Variants in PRKCE observed in about 807,000 individuals in gnomAD.
PRKCE encodes the protein protein kinase C epsilon.
In PRKCE, 16 loss-of-function variants were observed where a neutral mutation model predicts 85.4. The ratio of observed to expected loss-of-function variants is 0.19; its 90% confidence interval spans 0.13 to 0.28. PRKCE has a LOEUF of 0.28. PRKCE is among the 10% of genes least tolerant of loss of function. The probability of loss-of-function intolerance (pLI) is 1.00; values close to 1 mark genes in which losing one functional copy is unlikely to be tolerated. For synonymous variants in PRKCE, 388 were observed against 371.5 expected, an observed-to-expected ratio of 1.04 and a Z score of -0.51; for missense variants, 573 against 975.2, an observed-to-expected ratio of 0.59 and a Z score of 5.49.
At chr2:45,940,649 C>G (rs1033311624) in intron 2 of PRKCE, among the ~76,000 whole-genome samples, 13 of 152,206 alleles carry the variant, frequency 8.5e-5, no homozygotes, top group South Asian at 8.3e-4. Flanking sequence ...CACTCTTGCG[C>G]TCACAAGTGT....
intron 1 of PRKCE, among the ~76,000 whole-genome samples, chr2:45,785,206 A>G (rs1236352402): frequency 3.3e-5 from 5 of 152,238 alleles, no homozygotes; most frequent in Admixed American, 3.3e-4. Context: ...TAAGAAAAAA[A>G]GAGGCCAGGC....
intron 14 of PRKCE, among the ~76,000 whole-genome samples, chr2:46,170,279 T>C (rs1038103064): frequency 1.3e-5 from 2 of 152,222 alleles, no homozygotes; most frequent in Non-Finnish European, 2.9e-5. Context: ...TTCTTATAAA[T>C]GGAGCCACAT....
chr2:46,029,536 T>G (rs764890713), intron 10 of PRKCE, among the ~76,000 whole-genome samples: 2 of 152,084 alleles, frequency 1.3e-5, no homozygotes, highest in Admixed American at 6.6e-5. Flanking sequence ...CTTTGTGAAA[T>G]GAAAAGGCCT....
intron 1 of PRKCE, among the ~76,000 whole-genome samples, chr2:45,820,882 C>T (rs1383113901): frequency 6.6e-6 from 1 of 152,102 alleles, no homozygotes; most frequent in African/African-American, 2.4e-5. Flanking sequence ...CCTTCTGTCT[C>T]CCCACCCCCT....
At chr2:45,763,728 G>A (rs1040734916) in intron 1 of PRKCE, among the ~76,000 whole-genome samples, 1 of 152,122 alleles carries the variant, frequency 6.6e-6, no homozygotes, top group Non-Finnish European at 1.5e-5. Context: ...AGTCAGGAAG[G>A]GCCCAAGGGA....
rs375477829 is a variant in PRKCE, at chr2:45,885,002, T to TTTTTTTTGTTG, written c.412+41941_412+41942insTTTTTGTTGTT. On this transcript the variant is annotated intron_variant, in intron 2 of 14. Coordinates refer to ENST00000306156, the MANE Select transcript of PRKCE (RefSeq NM_005400.3). ...ATATATATATATATATATATATATA[T>TTTTTTTTGTTG]TTGTTGTTGTTGTTGTTGTTTTACC... is the stretch of plus-strand genomic sequence containing the variant. Among the ~76,000 whole-genome samples, 208 of 97,654 alleles carry TTTTTTTTGTTG rather than the reference T, an allele frequency of 2.1e-3. 13 individuals are homozygous for TTTTTTTTGTTG. Among genetic ancestry groups the TTTTTTTTGTTG allele is most frequent in the Non-Finnish European group, 3.3e-3 (157 of 47,606 alleles). The allele number at this position is 97,654 out of a possible 152,430, so 64.1% of individuals were successfully genotyped here.
chr2:46,057,265 T>C lies in PRKCE; in HGVS notation c.1438-28943T>C, dbSNP rs558607032. Among the ~76,000 whole-genome samples, 7 of 152,268 alleles carry C rather than the reference T, an allele frequency of 4.6e-5. No individual in the cohort carries two copies. In the South Asian group the frequency reaches 1.4e-3, roughly 32 times the overall value. On this transcript the variant is annotated intron_variant, in intron 10 of 14. Transcript: ENST00000306156. ...TTGCTTCTGCAAAAATAATCCCACC[T>C]GGTGTCAAGGGGCGTGTGGAATGGG... is the stretch of plus-strand genomic sequence containing the variant.
intron 2 of PRKCE, among the ~76,000 whole-genome samples, chr2:45,862,195 C>CAT (rs1485274323): frequency 1.0e-5 from 1 of 96,688 alleles, no homozygotes; most frequent in Non-Finnish European, 2.4e-5. Context: ...CACACACACA[C>CAT]ACACACACAC....
At position 46,015,705 on chromosome 2, in the gene PRKCE, A is replaced by C. The variant is rs540205579; in HGVS notation, c.1437+5188A>C. Reference sequence around the variant, plus strand: ...AAACACTAAACCAAAAAAAAAAAAAAAAAAAAAACGAAGTAAAAATTAGGC... The same window carrying C: ...AAACACTAAACCAAAAAAAAAAAAACAAAAAAAACGAAGTAAAAATTAGGC... On this transcript the variant is annotated intron_variant, in intron 10 of 14. Transcript: ENST00000306156. Among the ~76,000 whole-genome samples the C allele has an allele frequency of 4.6e-5, 7 of 151,892 alleles. No individual in the cohort carries two copies. In the East Asian group the frequency reaches 9.6e-4, roughly 21 times the overall value.
At chr2:46,123,754 G>C (rs1223379088) in intron 11 of PRKCE, among the ~76,000 whole-genome samples, 1 of 152,196 alleles carries the variant, frequency 6.6e-6, no homozygotes, top group African/African-American at 2.4e-5. Flanking sequence ...CCAAAGTGCT[G>C]GGATTATAGG....
chr2:45,756,582 C>A (rs1289157744), intron 1 of PRKCE, among the ~76,000 whole-genome samples: 1 of 152,156 alleles, frequency 6.6e-6, no homozygotes, highest in African/African-American at 2.4e-5. Context: ...AAACTGGAAA[C>A]AACCCAATCT....
chr2:46,084,548 G>C (rs1039196343), intron 10 of PRKCE, among the ~76,000 whole-genome samples: 16 of 151,596 alleles, frequency 1.1e-4, no homozygotes, highest in Non-Finnish European at 2.2e-4. Context: ...ATGGTGAAAC[G>C]CCATCTCTAC....
At chr2:45,692,747 C>A (rs1558563101) in intron 1 of PRKCE, among the ~76,000 whole-genome samples, 1 of 151,752 alleles carries the variant, frequency 6.6e-6, no homozygotes, top group African/African-American at 2.4e-5. Context: ...ACACACACCC[C>A]CACACACACC....
intron 2 of PRKCE, among the ~76,000 whole-genome samples, chr2:45,877,439 TTC>T (rs2105789326): frequency 6.6e-6 from 1 of 152,260 alleles, no homozygotes; most frequent in East Asian, 1.9e-4. Flanking sequence ...GTTTTCTATC[TTC>T]TCCTGTATTT....
chr2:46,054,821 C>G (rs908881068), intron 10 of PRKCE, among the ~76,000 whole-genome samples: 3 of 151,400 alleles, frequency 2.0e-5, no homozygotes, highest in African/African-American at 7.3e-5. Context: ...CCTATAAAAA[C>G]CCCAGAACTC....
chr2:46,107,550 T>C (rs1671844999), intron 11 of PRKCE, among the ~76,000 whole-genome samples: 1 of 152,224 alleles, frequency 6.6e-6, no homozygotes, highest in African/African-American at 2.4e-5. Flanking sequence ...GTAAACATGT[T>C]TTCCAATCAG....
chr2:45,981,413 C>A (rs1244335378), intron 5 of PRKCE, among the ~76,000 whole-genome samples: 1 of 152,178 alleles, frequency 6.6e-6, no homozygotes, highest in East Asian at 1.9e-4. Flanking sequence ...CTTCTACCTG[C>A]TTCTTAATAA....
chr2:46,100,837 T>C (rs1671142272), intron 11 of PRKCE, among the ~76,000 whole-genome samples: 1 of 150,454 alleles, frequency 6.6e-6, no homozygotes, highest in East Asian at 2.0e-4. Context: ...TTCTGAATCT[T>C]CCTTCTTTCC....
At chr2:45,666,684 GC>G (rs1398227036) in intron 1 of PRKCE, among the ~76,000 whole-genome samples, 2 of 151,930 alleles carry the variant, frequency 1.3e-5, no homozygotes, top group African/African-American at 4.8e-5. Flanking sequence ...TACTGTTTGT[GC>G]CCTCCGTTTA....
Sources: allele counts gnomAD v4.1 joint callset (sites outside exome capture counted in the v4.1 genomes callset), GRCh38; gene constraint gnomAD v4.1.1; transcripts MANE v1.5; gene names NCBI Gene and HGNC (gene_info 2026-07-23, HGNC 2026-07-21).